Variants in MAD1L1 observed in about 807,000 individuals in gnomAD.
MAD1L1 encodes the protein mitotic spindle assembly checkpoint protein MAD1.
Under a neutral mutation model 96.9 loss-of-function variants are expected in MAD1L1, and 95 were observed. The observed-to-expected ratio is 0.98, with a 90% CI of 0.83 to 1.16. The LOEUF (loss-of-function observed/expected upper bound fraction) is 1.16, where lower values mean the gene tolerates loss of function less well. Among genes scored for constraint, MAD1L1 ranks in the 50% most tolerant of loss-of-function variants. The pLI, the probability that MAD1L1 is intolerant of heterozygous loss-of-function variation, is 0.00. For missense variants in MAD1L1, 1,007 were observed against 954.4 expected (o/e 1.06, Z -0.73); for synonymous variants, 473 against 396.6 (o/e 1.19, Z -2.29).
At chr7:1,836,317 G>A (rs1421854020) in intron 18 of MAD1L1, among the ~76,000 whole-genome samples, 2 of 152,214 alleles carry the variant, frequency 1.3e-5, no homozygotes, top group African/African-American at 4.8e-5. Flanking sequence ...ACCGTGCCTG[G>A]CTGACCAGAG....
intron 10 of MAD1L1, among the ~76,000 whole-genome samples, chr7:2,205,256 G>A (rs1424435749): frequency 6.6e-6 from 1 of 152,002 alleles, no homozygotes; most frequent in Non-Finnish European, 1.5e-5. Context: ...GAACAGGCAC[G>A]GGTAAACCAT....
At chr7:2,079,754 C>A (rs760405110) in intron 11 of MAD1L1, 1 of 470,802 alleles carries the variant, frequency 2.1e-6, no homozygotes, top group South Asian at 1.5e-5. Flanking sequence ...CCGGCAAGCA[C>A]GGCCGCAGGG....
intron 11 of MAD1L1, among the ~76,000 whole-genome samples, chr7:2,108,972 C>T (rs913285682): frequency 1.3e-5 from 2 of 152,262 alleles, no homozygotes; most frequent in African/African-American, 2.4e-5. Context: ...ACAGACCAAA[C>T]AGGCGCTACC....
intron 10 of MAD1L1, among the ~76,000 whole-genome samples, chr7:2,149,550 G>A (rs1789468716): frequency 6.6e-6 from 1 of 152,174 alleles, no homozygotes; most frequent in Non-Finnish European, 1.5e-5. Context: ...AAAAGCACCC[G>A]CCAGGCCCCT....
intron 10 of MAD1L1, among the ~76,000 whole-genome samples, chr7:2,173,529 G>C (rs1268277820): frequency 6.6e-6 from 1 of 152,184 alleles, no homozygotes; most frequent in East Asian, 1.9e-4. Flanking sequence ...TTCCACCCTG[G>C]CTCTTTAAAC....
At chr7:1,990,294 G>A (rs943521549) in intron 14 of MAD1L1, among the ~76,000 whole-genome samples, 6 of 152,208 alleles carry the variant, frequency 3.9e-5, no homozygotes, top group Non-Finnish European at 7.4e-5. Context: ...AGAGATGAGA[G>A]GGTGCTGAGG....
intron 17 of MAD1L1, among the ~76,000 whole-genome samples, chr7:1,936,354 C>T (rs940415773): frequency 2.0e-5 from 3 of 152,204 alleles, no homozygotes; most frequent in African/African-American, 7.2e-5. Context: ...GACTTGTTTT[C>T]GTGGAGGACT....
intron 15 of MAD1L1, among the ~76,000 whole-genome samples, chr7:1,965,836 G>C (rs1447756609): frequency 6.6e-6 from 1 of 152,282 alleles, no homozygotes; most frequent in African/African-American, 2.4e-5. Flanking sequence ...CCAGCAAAGT[G>C]CAACAGACGG....
intron 10 of MAD1L1, among the ~76,000 whole-genome samples, chr7:2,169,889 C>T (rs1179387881): frequency 7.9e-6 from 1 of 126,292 alleles, no homozygotes. Context: ...GTGGAGGGGT[C>T]GGCCAGGACT....
intron 17 of MAD1L1, among the ~76,000 whole-genome samples, chr7:1,916,063 T>C (rs1239636347): frequency 1.3e-5 from 2 of 152,072 alleles, no homozygotes; most frequent in African/African-American, 2.4e-5. Flanking sequence ...GTGCCCATCA[T>C]CCTCACCTGT....
intron 11 of MAD1L1, among the ~76,000 whole-genome samples, chr7:2,109,916 G>A (rs1012986308): frequency 6.6e-6 from 1 of 152,222 alleles, no homozygotes; most frequent in Non-Finnish European, 1.5e-5. Context: ...GAGAGTTGGC[G>A]ACAATATCCA....
chr7:2,054,545 T>G (rs1381169215), intron 12 of MAD1L1, among the ~76,000 whole-genome samples: 3 of 152,240 alleles, frequency 2.0e-5, no homozygotes, highest in Admixed American at 6.5e-5. Context: ...CAAATGGCTT[T>G]GTCCCATAAC....
intron 14 of MAD1L1, among the ~76,000 whole-genome samples, chr7:1,996,543 G>C (rs537808856): frequency 2.0e-5 from 3 of 152,312 alleles, no homozygotes; most frequent in Admixed American, 6.5e-5. Context: ...TTCAGAATCT[G>C]TCTGTAAAGC....
intron 10 of MAD1L1, among the ~76,000 whole-genome samples, chr7:2,170,478 G>A (rs188567073): frequency 9.7e-4 from 147 of 152,316 alleles, no homozygotes; most frequent in African/African-American, 3.4e-3. Flanking sequence ...AGGCTGAGGC[G>A]AGGGTGACAG....
chr7:1,876,241 C>T (rs1205741218), intron 18 of MAD1L1, among the ~76,000 whole-genome samples: 1 of 152,182 alleles, frequency 6.6e-6, no homozygotes, highest in African/African-American at 2.4e-5. Context: ...GTCTCCACAA[C>T]CATTGGTCAT....
intron 18 of MAD1L1, among the ~76,000 whole-genome samples, chr7:1,880,796 A>G (rs910343561): frequency 6.6e-6 from 1 of 152,214 alleles, no homozygotes. Flanking sequence ...CTCACTGCTG[A>G]TGGGGAGCCT....
At chr7:1,872,114 G>A (rs1269544252) in intron 18 of MAD1L1, among the ~76,000 whole-genome samples, 1 of 152,218 alleles carries the variant, frequency 6.6e-6, no homozygotes, top group East Asian at 1.9e-4. Context: ...TCCACACCCT[G>A]CAGGCCATCT....
chr7:1,958,077 G>A (rs962196387), intron 15 of MAD1L1, among the ~76,000 whole-genome samples: 8 of 152,210 alleles, frequency 5.3e-5, no homozygotes, highest in Admixed American at 1.3e-4. Context: ...TGATGTGATG[G>A]CGGAGTGCAG....
intron 6 of MAD1L1, among the ~76,000 whole-genome samples, chr7:2,218,277 T>G (rs1793401136): frequency 1.3e-5 from 2 of 152,128 alleles, no homozygotes; most frequent in South Asian, 4.1e-4. Flanking sequence ...CTCAGTCTGC[T>G]CATTCAGACG....
Sources: gnomAD v4.1 joint callset for allele counts (sites outside exome capture counted in the v4.1 genomes callset) on GRCh38, gnomAD v4.1.1 for gene constraint, MANE v1.5 for transcripts, NCBI Gene and HGNC (gene_info 2026-07-23, HGNC 2026-07-21) for gene names.